NSUN6: variants seen among roughly 807,000 people sequenced by gnomAD.
The protein encoded by NSUN6 is tRNA (cytosine(72)-C(5))-methyltransferase NSUN6.
In NSUN6, 64 loss-of-function variants were observed where a neutral mutation model predicts 58.0. That is an observed-to-expected ratio of 1.10 (90% CI 0.90 to 1.36). The LOEUF (loss-of-function observed/expected upper bound fraction) is 1.36, where lower values mean the gene tolerates loss of function less well. NSUN6 is among the 40% of genes most tolerant of loss of function. The probability of loss-of-function intolerance (pLI) is 0.00; values close to 1 mark genes in which losing one functional copy is unlikely to be tolerated. For synonymous variants in NSUN6, 231 were observed against 193.9 expected, an observed-to-expected ratio of 1.19 and a Z score of -1.59; for missense variants, 701 against 550.1, an observed-to-expected ratio of 1.27 and a Z score of -2.74.
intron 8 of NSUN6, among the ~76,000 whole-genome samples, chr10:18,584,681 CA>C (rs1391986560): frequency 6.6e-6 from 1 of 152,022 alleles, no homozygotes; most frequent in Non-Finnish European, 1.5e-5. Context: ...CCAAAAAGAA[CA>C]ACTAGCTCTG....
chr10:18,648,606 A>T lies in NSUN6; in HGVS notation c.115T>A (p.Phe39Ile). 19 of 1,607,906 alleles carry T rather than the reference A, an allele frequency of 1.2e-5. No individual in the cohort carries two copies. Among genetic ancestry groups the T allele is most frequent in the Non-Finnish European group, 1.6e-5 (19 of 1,174,934 alleles). ...ALGKQEAERKFETLLKHLSHP... is the reference protein window; with the variant it reads ...ALGKQEAERKIETLLKHLSHP... ...GACAGGTGCTTTAACAAAGTTTCAA[A>T]CTTCCTTTCTGCTTCTTGTTTACCT... Residue 39 changes from phenylalanine to isoleucine, a missense_variant, in exon 2 of 11, where the codon TTT (phenylalanine) becomes ATT (isoleucine). Transcript: ENST00000377304.
chr10:18,560,116 T>G (rs2055375893), intron 8 of NSUN6, among the ~76,000 whole-genome samples: 1 of 139,160 alleles, frequency 7.2e-6, no homozygotes, highest in Non-Finnish European at 1.5e-5. Context: ...GGGAAGGGAA[T>G]GGAATGGAAT....
At chr10:18,625,088 T>C (rs933050581) in intron 3 of NSUN6, among the ~76,000 whole-genome samples, 2 of 152,228 alleles carry the variant, frequency 1.3e-5, no homozygotes, top group African/African-American at 4.8e-5. Flanking sequence ...GCATGTCCTA[T>C]GGGACCTCAC....
chr10:18,658,517 T>A (rs45580334), upstream of NSUN6: 40,915 of 189,400 alleles, frequency 0.22, 4,802 homozygotes, highest in Non-Finnish European at 0.26. Flanking sequence ...GAAAGTGGAA[T>A]TGAAAACAAT....
chr10:18,576,883 A>G (rs528443056), intron 8 of NSUN6, among the ~76,000 whole-genome samples: 1 of 152,240 alleles, frequency 6.6e-6, no homozygotes, highest in South Asian at 2.1e-4. Flanking sequence ...CATTTCATCA[A>G]CCAGAGGAAG....
chr10:18,641,457 C>T (rs1159084872), intron 3 of NSUN6, among the ~76,000 whole-genome samples: 5 of 151,822 alleles, frequency 3.3e-5, no homozygotes, highest in Non-Finnish European at 7.4e-5. Flanking sequence ...CCTCCACCTC[C>T]CAGGCTCAAA....
Position 18,551,773 on chromosome 10 carries a change from T to C in NSUN6, c.1071+50A>G, listed in dbSNP as rs757460357. On this transcript the variant is annotated intron_variant, in intron 9 of 10. Transcript: ENST00000377304. ...GAGATTGCTGTCAGTAGTTTAAACA[T>C]CAAAGTAGCAAAAGTTAACTTTGTT... The C allele has an allele frequency of 3.2e-6, 5 of 1,553,782 alleles. No individual in the cohort carries two copies. In the Admixed American group the frequency reaches 5.1e-5, roughly 16 times the overall value.
intron 8 of NSUN6, among the ~76,000 whole-genome samples, chr10:18,573,831 C>A (rs749714241): frequency 6.6e-6 from 1 of 152,068 alleles, no homozygotes; most frequent in Non-Finnish European, 1.5e-5. Flanking sequence ...ACGTCCCTAC[C>A]CTTGCCTCAA....
intron 6 of NSUN6, among the ~76,000 whole-genome samples, chr10:18,602,781 G>A (rs1458531853): frequency 6.6e-6 from 1 of 152,170 alleles, no homozygotes; most frequent in Non-Finnish European, 1.5e-5. Flanking sequence ...CAGAGTCTGA[G>A]TGGGTTGAAG....
At chr10:18,646,314 G>A (rs955814202) in intron 2 of NSUN6, among the ~76,000 whole-genome samples, 4 of 152,066 alleles carry the variant, frequency 2.6e-5, no homozygotes, top group Admixed American at 6.5e-5. Context: ...CAACGTGAAA[G>A]GAAAAAGAAA....
At chr10:18,563,419 G>A (rs868076977) in intron 8 of NSUN6, among the ~76,000 whole-genome samples, 4 of 150,858 alleles carry the variant, frequency 2.7e-5, no homozygotes, top group Admixed American at 1.3e-4. Context: ...GGAACGGAAT[G>A]GAGAATGGCA....
rs527454182 is a variant in NSUN6, at chr10:18,633,867, C to G, written c.311+8609G>C. ...AGCACAAATTAAACAAATAAGAAAGCCTTCCCCGCCCCCTGGAAAAAAGGT... is the reference window on the plus strand; with the variant it reads ...AGCACAAATTAAACAAATAAGAAAGGCTTCCCCGCCCCCTGGAAAAAAGGT... On this transcript the variant is annotated intron_variant, in intron 3 of 10. Coordinates refer to ENST00000377304, the MANE Select transcript of NSUN6 (RefSeq NM_182543.5). 9.7e-4 allele frequency among the ~76,000 whole-genome samples: 148 copies of G among 152,290 alleles called. 1 individual carries two copies. The highest frequency in any genetic ancestry group is 3.4e-3 in the African/African-American group (143 of 41,566).
At chr10:18,592,758 T>C (rs1025875978) in intron 7 of NSUN6, among the ~76,000 whole-genome samples, 5 of 152,116 alleles carry the variant, frequency 3.3e-5, no homozygotes, top group Non-Finnish European at 1.5e-5. Context: ...ATAAAAACCC[T>C]AGAAGAAAAC....
chr10:18,633,311 C>T (rs1251053312), intron 3 of NSUN6, among the ~76,000 whole-genome samples: 2 of 150,198 alleles, frequency 1.3e-5, no homozygotes, highest in Admixed American at 1.3e-4. Context: ...ATACCTAATG[C>T]TAGATGATGA....
In NSUN6 at chr10:18,651,477, T is replaced by C. The variant is rs904279633; in HGVS notation, c.-274A>G. On this transcript the variant is annotated 5_prime_UTR_variant, in exon 1 of 11. Coordinates refer to ENST00000377304, the MANE Select transcript of NSUN6 (RefSeq NM_182543.5). ...AATCACTGAGCCAATGCCACTCACG[T>C]TGCAAAGAACCAAAAAAAGAAAAAA... 2 of 1,141,066 alleles carry C rather than the reference T, an allele frequency of 1.8e-6. No homozygotes were observed. Among genetic ancestry groups the C allele is most frequent in the Non-Finnish European group, 2.1e-6 (2 of 931,048 alleles). The allele number at this position is 1,141,066 out of a possible 1,614,324, so 70.7% of individuals were successfully genotyped here.
intron 6 of NSUN6, among the ~76,000 whole-genome samples, chr10:18,608,746 A>G (rs150698504): frequency 6.6e-6 from 1 of 152,298 alleles, no homozygotes; most frequent in African/African-American, 2.4e-5. Context: ...GAGTGCAGGT[A>G]TCACTAGCAA....
chr10:18,633,628 G>A (rs7098313), intron 3 of NSUN6, among the ~76,000 whole-genome samples: 85,281 of 151,426 alleles, frequency 0.56, 24,527 homozygotes, highest in East Asian at 0.97. Flanking sequence ...TCAGGACCAT[G>A]CACTTAGTGA....
intron 6 of NSUN6, 77 bp downstream of exon 6, chr10:18,609,768 A>G: frequency 2.3e-6 from 2 of 861,216 alleles, no homozygotes; most frequent in Non-Finnish European, 3.8e-6. Context: ...CTTAAATTTT[A>G]AAATATCCTA....
intron 6 of NSUN6, among the ~76,000 whole-genome samples, chr10:18,602,477 G>A (rs866833448): frequency 2.0e-5 from 3 of 151,984 alleles, no homozygotes; most frequent in Middle Eastern, 3.4e-3. Context: ...CTCGTGATCC[G>A]CCCACCTTGG....
Sources: allele counts gnomAD v4.1 joint callset (sites outside exome capture counted in the v4.1 genomes callset), GRCh38; gene constraint gnomAD v4.1.1; transcripts MANE v1.5; gene names NCBI Gene and HGNC (gene_info 2026-07-23, HGNC 2026-07-21).